Variants in BCAS3 observed in about 807,000 individuals in gnomAD.
The protein encoded by BCAS3 is BCAS3 microtubule associated cell migration factor.
BCAS3 carries 53 observed loss-of-function variants against 116.1 expected under a neutral mutation model. That is an observed-to-expected ratio of 0.46 (90% CI 0.37 to 0.57). The LOEUF (loss-of-function observed/expected upper bound fraction) is 0.57, where lower values mean the gene tolerates loss of function less well. Ranked by LOEUF, BCAS3 falls within the 20% of genes least tolerant of loss-of-function variation. BCAS3 has a pLI of 0.00. For synonymous variants in BCAS3, 391 were observed against 408.2 expected, an observed-to-expected ratio of 0.96 and a Z score of 0.51; for missense variants, 917 against 1,165.4, an observed-to-expected ratio of 0.79 and a Z score of 3.10.
In BCAS3 at chr17:61,227,291, G is replaced by A. The variant is rs1208576204; in HGVS notation, c.2426-141036G>A. Reference sequence around the variant, plus strand: ...ATGCAGATACTCATACATATACAATGTCGCATGTGCTTTCAGGGGTTTCAG... The same window carrying A: ...ATGCAGATACTCATACATATACAATATCGCATGTGCTTTCAGGGGTTTCAG... On this transcript the variant is annotated intron_variant, in intron 22 of 23. Transcript: ENST00000407086. This position sits in a 1 kb window ranked among gnomAD's most constrained non-coding sequence, Gnocchi z 6.1. 6.6e-6 allele frequency among the ~76,000 whole-genome samples: 1 copy of A among 152,172 alleles called. No individual in the cohort carries two copies. The highest frequency in any genetic ancestry group is 1.5e-5 in the Non-Finnish European group (1 of 68,044).
At chr17:60,891,680 G>A (rs764940591) in intron 10 of BCAS3, 1 of 455,804 alleles carries the variant, frequency 2.2e-6, no homozygotes. Flanking sequence ...GATTCACAGG[G>A]TACACGTGCA....
chr17:61,277,096 C>A (rs918331616), intron 22 of BCAS3, among the ~76,000 whole-genome samples: 1 of 151,326 alleles, frequency 6.6e-6, no homozygotes, highest in African/African-American at 2.4e-5. Context: ...GACCTTGTCT[C>A]TTATAGGAAA....
chr17:60,889,783 C>A lies in BCAS3; in HGVS notation c.738+12C>A, dbSNP rs749746265. Reference sequence around the variant, plus strand: ...ATGCAGAAAACAAGGTAAGACGTGGCCTGTGTTTGGATTATTTGTAATGGA... The same window carrying A: ...ATGCAGAAAACAAGGTAAGACGTGGACTGTGTTTGGATTATTTGTAATGGA... On this transcript the variant is annotated intron_variant, in intron 10 of 23. Coordinates refer to ENST00000407086, the MANE Select transcript of BCAS3 (RefSeq NM_017679.5). 6.2e-7 allele frequency: 1 copy of A among 1,604,306 alleles called. No individual in the cohort carries two copies. Among genetic ancestry groups the A allele is most frequent in the East Asian group, 2.2e-5 (1 of 44,808 alleles).
Position 61,095,143 on chromosome 17 carries a change from A to G in BCAS3, c.2425+10579A>G, listed in dbSNP as rs1368554680. On this transcript the variant is annotated intron_variant, in intron 22 of 23. Transcript: ENST00000407086. This position sits in a 1 kb window ranked among gnomAD's most constrained non-coding sequence, Gnocchi z 4.7. Reference sequence around the variant, plus strand: ...CCCAGAACCTGAAAATGCTATTAATATACTTTATCTTTTAGCAGTTACGTA... The same window carrying G: ...CCCAGAACCTGAAAATGCTATTAATGTACTTTATCTTTTAGCAGTTACGTA... Among the ~76,000 whole-genome samples, 1 of 152,232 alleles carries G rather than the reference A, an allele frequency of 6.6e-6. No individual in the cohort carries two copies. Among genetic ancestry groups the G allele is most frequent in the African/African-American group, 2.4e-5 (1 of 41,460 alleles).
chr17:60,795,899 AG>A (rs2047173104), intron 6 of BCAS3, among the ~76,000 whole-genome samples: 1 of 152,146 alleles, frequency 6.6e-6, no homozygotes, highest in Non-Finnish European at 1.5e-5. Context: ...CATGTTGGCC[AG>A]GCTGCTCTCG....
At chr17:60,706,041 A>C (rs1266803282) in intron 4 of BCAS3, among the ~76,000 whole-genome samples, 2 of 151,380 alleles carry the variant, frequency 1.3e-5, no homozygotes, top group African/African-American at 4.9e-5. Flanking sequence ...TCCTCAGCCT[A>C]CTCACTGTGA....
Position 61,297,654 on chromosome 17 carries a change from A to G in BCAS3, c.2426-70673A>G, listed in dbSNP as rs143114210. On this transcript the variant is annotated intron_variant, in intron 22 of 23. Coordinates refer to ENST00000407086, the MANE Select transcript of BCAS3 (RefSeq NM_017679.5). ...CAGGTGTTCTTGTTGAAGGGAGGTC[A>G]GTGTGATGGGGGTCCTCAGTGGTCG... Among the ~76,000 whole-genome samples the G allele has an allele frequency of 1.0e-3, 158 of 152,300 alleles. 3 individuals are homozygous for G. In the East Asian group the frequency reaches 0.022, roughly 21 times the overall value.
intron 4 of BCAS3, among the ~76,000 whole-genome samples, chr17:60,706,805 T>A (rs2037205593): frequency 9.2e-6 from 1 of 108,506 alleles, no homozygotes; most frequent in Non-Finnish European, 1.6e-5. Flanking sequence ...ACACTATACT[T>A]TTTTTTTTTT....
chr17:60,918,557 T>C (rs2058896068), intron 12 of BCAS3, among the ~76,000 whole-genome samples: 1 of 152,198 alleles, frequency 6.6e-6, no homozygotes, highest in African/African-American at 2.4e-5. Flanking sequence ...TGTACATTTG[T>C]ACCCAACCTG....
intron 22 of BCAS3, among the ~76,000 whole-genome samples, chr17:61,270,999 C>T (rs552274114): frequency 6.6e-6 from 1 of 152,082 alleles, no homozygotes; most frequent in African/African-American, 2.4e-5. Context: ...TCTCGTGATC[C>T]GCCTGCCTCA....
chr17:61,102,516 A>G (rs1183410917), intron 22 of BCAS3, among the ~76,000 whole-genome samples: 3 of 152,174 alleles, frequency 2.0e-5, no homozygotes, highest in Non-Finnish European at 2.9e-5. Context: ...GGTGTGATTT[A>G]GAGAAATTAA....
At chr17:60,881,589 CCT>C (rs912724511) in intron 9 of BCAS3, among the ~76,000 whole-genome samples, 2 of 114,078 alleles carry the variant, frequency 1.8e-5, no homozygotes, top group African/African-American at 6.6e-5. Flanking sequence ...ATCCCTCCCC[CCT>C]CCCCCCACCC....
At chr17:60,905,512 A>T (rs568009765) in intron 11 of BCAS3, among the ~76,000 whole-genome samples, 1 of 152,344 alleles carries the variant, frequency 6.6e-6, no homozygotes, top group African/African-American at 2.4e-5. Flanking sequence ...AAACCTGGTC[A>T]TACTGAAGTC....
At chr17:60,870,279 A>C (rs1240681361) in intron 8 of BCAS3, among the ~76,000 whole-genome samples, 1 of 152,190 alleles carries the variant, frequency 6.6e-6, no homozygotes. Context: ...AGCCCTAGCA[A>C]GAGGTGATAT....
chr17:60,687,635 C>CT (rs958485701), intron 3 of BCAS3, among the ~76,000 whole-genome samples: 86 of 147,634 alleles, frequency 5.8e-4, no homozygotes, highest in African/African-American at 9.4e-4. Flanking sequence ...CCAAAAACAA[C>CT]TTTTTTTTTT....
At chr17:61,076,395 CAT>C (rs749369774) in intron 20 of BCAS3, among the ~76,000 whole-genome samples, 2 of 152,172 alleles carry the variant, frequency 1.3e-5, no homozygotes, top group Non-Finnish European at 2.9e-5. Flanking sequence ...GTCTAGGTAA[CAT>C]GTATTTATTT....
intron 22 of BCAS3, among the ~76,000 whole-genome samples, chr17:61,176,171 A>G (rs2079133024): frequency 6.7e-6 from 1 of 150,034 alleles, no homozygotes; most frequent in African/African-American, 2.4e-5. Context: ...AGAAAAAGAA[A>G]AAGAAAAAAT....
At chr17:60,909,241 A>G (rs1439581204) in intron 11 of BCAS3, among the ~76,000 whole-genome samples, 1 of 152,216 alleles carries the variant, frequency 6.6e-6, no homozygotes, top group Non-Finnish European at 1.5e-5. Context: ...TCTTTGGAAA[A>G]TACTTCTCCC....
chr17:60,815,101 A>G (rs562471691), intron 7 of BCAS3, among the ~76,000 whole-genome samples: 1 of 152,308 alleles, frequency 6.6e-6, no homozygotes, highest in South Asian at 2.1e-4. Flanking sequence ...ACACCATGGA[A>G]TACTATGCAG....
Sources: allele counts gnomAD v4.1 joint callset (sites outside exome capture counted in the v4.1 genomes callset), GRCh38; gene constraint gnomAD v4.1.1; non-coding constraint Gnocchi (gnomAD v3.1); transcripts MANE v1.5; gene names NCBI Gene and HGNC (gene_info 2026-07-23, HGNC 2026-07-21).